QTMAN: variants seen among roughly 807,000 people sequenced by gnomAD.
QTMAN encodes queuosine-tRNA mannosyltransferase, also known as tRNA-queuosine alpha-mannosyltransferase.
chr2:144,088,124 T>C, the QTMAN span, among the ~76,000 whole-genome samples: 1 of 151,936 alleles, frequency 6.6e-6, no homozygotes, highest in African/African-American at 2.4e-5. Context: ...AAAATCAATG[T>C]ACCAAAATTA....
At chr2:143,969,469 G>A in the QTMAN span, among the ~76,000 whole-genome samples, 1 of 152,148 alleles carries the variant, frequency 6.6e-6, no homozygotes. Context: ...GGGCTTTGGG[G>A]TACAATGATG....
the QTMAN span, among the ~76,000 whole-genome samples, chr2:144,054,640 C>T: frequency 6.6e-6 from 1 of 152,108 alleles, no homozygotes; most frequent in Non-Finnish European, 1.5e-5. Context: ...ATGATGAACC[C>T]CTGACCTGGC....
chr2:144,274,839 A>T, the QTMAN span, among the ~76,000 whole-genome samples: 2 of 152,128 alleles, frequency 1.3e-5, no homozygotes, highest in African/African-American at 4.8e-5. Context: ...CCTTACACCC[A>T]GTCAATCAGA....
chr2:144,153,404 G>A, the QTMAN span, among the ~76,000 whole-genome samples: 1 of 152,098 alleles, frequency 6.6e-6, no homozygotes, highest in Non-Finnish European at 1.5e-5. Context: ...ACCAAATACA[G>A]AAGATATAAA....
the QTMAN span, among the ~76,000 whole-genome samples, chr2:144,179,782 G>C: frequency 6.6e-6 from 1 of 152,106 alleles, no homozygotes; most frequent in Non-Finnish European, 1.5e-5. Context: ...AATAAATAAG[G>C]GTCTCAGTGC....
At chr2:143,976,179 T>C in the QTMAN span, among the ~76,000 whole-genome samples, 1 of 151,464 alleles carries the variant, frequency 6.6e-6, no homozygotes, top group African/African-American at 2.4e-5. Flanking sequence ...AGGCAGTTTT[T>C]GACTTTTTTT....
At chr2:143,982,899 G>T in the QTMAN span, among the ~76,000 whole-genome samples, 390 of 144,660 alleles carry the variant, frequency 2.7e-3, 1 homozygote, top group Non-Finnish European at 4.4e-3. Flanking sequence ...AGATAATAGA[G>T]AATAACCAAT....
the QTMAN span, among the ~76,000 whole-genome samples, chr2:144,237,501 G>A: frequency 4.6e-5 from 7 of 152,184 alleles, no homozygotes; most frequent in East Asian, 1.9e-4. Context: ...AATGAACAGC[G>A]TTTCGTTATC....
chr2:144,252,401 A>G, the QTMAN span, among the ~76,000 whole-genome samples: 25 of 152,258 alleles, frequency 1.6e-4, no homozygotes, highest in African/African-American at 4.3e-4. Flanking sequence ...ATAAAATAAA[A>G]TAAAAAGTAA....
the QTMAN span, among the ~76,000 whole-genome samples, chr2:144,311,665 T>C: frequency 2.0e-5 from 3 of 152,362 alleles, no homozygotes; most frequent in African/African-American, 7.2e-5. Context: ...CTCTTCCTAC[T>C]TGATATCCTT....
At chr2:144,003,820 C>T in the QTMAN span, among the ~76,000 whole-genome samples, 2 of 151,952 alleles carry the variant, frequency 1.3e-5, no homozygotes, top group Non-Finnish European at 2.9e-5. Context: ...TGGCTTAGTA[C>T]GAGATATGTT....
chr2:144,140,239 T>C, the QTMAN span, among the ~76,000 whole-genome samples: 5 of 152,082 alleles, frequency 3.3e-5, no homozygotes, highest in Non-Finnish European at 4.4e-5. Context: ...TATGGTAATA[T>C]CATCCAAATT....
the QTMAN span, among the ~76,000 whole-genome samples, chr2:143,957,948 GA>G: frequency 2.0e-5 from 3 of 152,130 alleles, no homozygotes; most frequent in Non-Finnish European, 2.9e-5. Flanking sequence ...AGAAGAGAGA[GA>G]AAGCCCCTCA....
the QTMAN span, chr2:143,940,062 T>A: frequency 6.6e-6 from 1 of 152,242 alleles, no homozygotes; most frequent in African/African-American, 2.4e-5. Flanking sequence ...TTTTTATGCA[T>A]CCTTCAGTTG....
the QTMAN span, among the ~76,000 whole-genome samples, chr2:144,203,192 C>T: frequency 1.5e-5 from 2 of 133,860 alleles, no homozygotes; most frequent in Non-Finnish European, 3.4e-5. Flanking sequence ...TGTGTGTGTG[C>T]ACGTGCGCAC....
chr2:143,970,084 G>A, the QTMAN span, among the ~76,000 whole-genome samples: 1 of 152,140 alleles, frequency 6.6e-6, no homozygotes, highest in Non-Finnish European at 1.5e-5. Flanking sequence ...GCAGGGTGAA[G>A]GAAATGGCTC....
chr2:144,031,576 A>G, the QTMAN span, among the ~76,000 whole-genome samples: 1 of 152,210 alleles, frequency 6.6e-6, no homozygotes, highest in Non-Finnish European at 1.5e-5. Context: ...TGGAGGATAA[A>G]ACAAAGCAGC....
At chr2:144,018,233 T>TA in the QTMAN span, among the ~76,000 whole-genome samples, 2 of 152,158 alleles carry the variant, frequency 1.3e-5, no homozygotes, top group Non-Finnish European at 2.9e-5. Flanking sequence ...CAGATGGACA[T>TA]AAAAAATCTA....
the QTMAN span, among the ~76,000 whole-genome samples, chr2:144,271,134 T>C: frequency 6.6e-6 from 1 of 152,216 alleles, no homozygotes; most frequent in Non-Finnish European, 1.5e-5. Context: ...TTTTGGTCTT[T>C]CAACTAAATT....
Sources: gnomAD v4.1 joint callset for allele counts (sites outside exome capture counted in the v4.1 genomes callset) on GRCh38, gnomAD v4.1.1 for gene constraint, MANE v1.5 for transcripts, NCBI Gene and HGNC (gene_info 2026-07-23, HGNC 2026-07-21) for gene names.